CDH23: variants seen among roughly 807,000 people sequenced by gnomAD.
The protein encoded by CDH23 is cadherin related 23.
A neutral mutation model predicts 317.1 loss-of-function variants in CDH23; 189 were observed. The ratio of observed to expected loss-of-function variants is 0.60; its 90% CI spans 0.53 to 0.67. CDH23 has a LOEUF of 0.67. Among genes scored for constraint, CDH23 ranks in the 30% least tolerant of loss-of-function variants. CDH23 has a pLI of 0.00. For synonymous variants in CDH23, 1,839 were observed against 1,876.8 expected, an observed-to-expected ratio of 0.98 and a Z score of 0.52; for missense variants, 4,401 against 4,592.4, an observed-to-expected ratio of 0.96 and a Z score of 1.20.
intron 9 of CDH23, among the ~76,000 whole-genome samples, chr10:71,585,715 T>G (rs1194295089): frequency 1.3e-5 from 2 of 152,240 alleles, no homozygotes; most frequent in African/African-American, 4.8e-5. Flanking sequence ...TTTCGCCCTC[T>G]TCTCTGCAGG....
intron 6 of CDH23, among the ~76,000 whole-genome samples, chr10:71,531,035 A>G (rs1855346918): frequency 6.6e-6 from 1 of 152,224 alleles, no homozygotes; most frequent in South Asian, 2.1e-4. Flanking sequence ...TCTACATCAT[A>G]AGAAAATTCC....
chr10:71,636,760 C>T (rs1299045636), intron 11 of CDH23, among the ~76,000 whole-genome samples: 2 of 152,200 alleles, frequency 1.3e-5, no homozygotes, highest in African/African-American at 4.8e-5. Flanking sequence ...GGGTGACGTC[C>T]TTCACCTTGA....
chr10:71,543,582 A>G (rs1392068675), intron 6 of CDH23, among the ~76,000 whole-genome samples: 1 of 152,244 alleles, frequency 6.6e-6, no homozygotes, highest in Admixed American at 6.5e-5. Context: ...GGAGGAAGTC[A>G]ACCATTTTTT....
chr10:71,610,099 G>T (rs1423850579), intron 9 of CDH23, among the ~76,000 whole-genome samples: 1 of 152,032 alleles, frequency 6.6e-6, no homozygotes, highest in Non-Finnish European at 1.5e-5. Context: ...CCGTCTCCCA[G>T]GTTCAAACAA....
intron 55 of CDH23, among the ~76,000 whole-genome samples, chr10:71,804,823 T>C (rs959953670): frequency 3.3e-5 from 5 of 152,218 alleles, no homozygotes; most frequent in Admixed American, 1.3e-4. Context: ...TTGTTATAAT[T>C]TATGTATTCT....
chr10:71,720,486 G>C (rs1866507460), intron 28 of CDH23, among the ~76,000 whole-genome samples: 1 of 151,302 alleles, frequency 6.6e-6, no homozygotes, highest in South Asian at 2.1e-4. Flanking sequence ...CCAGAAGCCA[G>C]AGCTTCCCTG....
chr10:71,734,664 T>G lies in CDH23; in HGVS notation c.4209+6T>G. ...GCTGCCTCTGCCTACAGAAGGTGAG[T>G]AGCCTGTGGCTGGAGCTTCCCCTGT... On this transcript the variant is annotated splice_donor_region_variant and intron_variant, in intron 34 of 69. Coordinates refer to ENST00000224721, the MANE Select transcript of CDH23 (RefSeq NM_022124.6). 7.0e-7 allele frequency: 1 copy of G among 1,435,464 alleles called. No homozygotes were observed. The highest frequency in any genetic ancestry group is 9.4e-7 in the Non-Finnish European group (1 of 1,062,158). 88.9% of individuals were successfully genotyped at this position (1,435,464 alleles called of 1,614,324 possible).
chr10:71,737,214 A>G (rs1251171429), intron 34 of CDH23, among the ~76,000 whole-genome samples: 1 of 152,212 alleles, frequency 6.6e-6, no homozygotes, highest in Non-Finnish European at 1.5e-5. Context: ...GAGTCTTGGC[A>G]AGAGAAATCA....
chr10:71,518,967 C>G lies in CDH23; in HGVS notation c.429+7755C>G, dbSNP rs1223737400. Among the ~76,000 whole-genome samples, 3 of 152,348 alleles carry G rather than the reference C, an allele frequency of 2.0e-5. No homozygotes were observed. The South Asian group carries it at 6.2e-4, about 32-fold the overall frequency. On this transcript the variant is annotated intron_variant, in intron 6 of 69. Coordinates refer to ENST00000224721, the MANE Select transcript of CDH23 (RefSeq NM_022124.6). Reference sequence around the variant, plus strand: ...TGGCCAAGGCTGTGGGCGTCCTCCACCACCCACAGCACCACGAAAGAGGAC... The same window carrying G: ...TGGCCAAGGCTGTGGGCGTCCTCCAGCACCCACAGCACCACGAAAGAGGAC...
chr10:71,572,569 C>G (rs953157751), intron 8 of CDH23, among the ~76,000 whole-genome samples: 5 of 152,132 alleles, frequency 3.3e-5, no homozygotes, highest in African/African-American at 9.7e-5. Flanking sequence ...CCTGGGCAGA[C>G]CAGCATACTC....
intron 3 of CDH23, among the ~76,000 whole-genome samples, chr10:71,505,362 G>A (rs568779019): frequency 6.8e-4 from 104 of 152,300 alleles, no homozygotes; most frequent in Non-Finnish European, 1.1e-3. Context: ...AGAAGACTAA[G>A]CAGCTTTTGT....
chr10:71,740,692 CA>C, intron 36 of CDH23, 129 bp from the exon 37 acceptor site: 1 of 1,327,306 alleles, frequency 7.5e-7, no homozygotes, highest in Non-Finnish European at 1.0e-6. Context: ...CCAGGCCACC[CA>C]GGGGTTCTCA....
Position 71,739,764 on chromosome 10 carries a change from A to G in CDH23, c.4480A>G (p.Ile1494Val), listed in dbSNP as rs1839684465. 1.9e-6 allele frequency: 3 copies of G among 1,610,456 alleles called. No homozygotes were observed. The highest frequency in any genetic ancestry group is 2.2e-5 in the South Asian group (2 of 90,958). The change falls in exon 36 of 70, where the codon ATC (isoleucine) becomes GTC (valine). Residue 1494 changes from isoleucine to valine, a missense_variant. Ile to Val is a conservative substitution (Grantham distance 29). Coordinates refer to ENST00000224721, the MANE Select transcript of CDH23 (RefSeq NM_022124.6). ...GGACAGAGAAGAGCTGGATCACTAC[A>G]TCCTCCAGGTGGGGCCTGGCCTCCC... is the stretch of plus-strand genomic sequence containing the variant. ...PLDREELDHYILQVVASDRGT... is the reference protein window; with the variant it reads ...PLDREELDHYVLQVVASDRGT...
intron 38 of CDH23, among the ~76,000 whole-genome samples, chr10:71,776,220 C>A (rs751048445): frequency 1.3e-5 from 2 of 152,210 alleles, no homozygotes; most frequent in African/African-American, 2.4e-5. Context: ...CCCTCCACCC[C>A]CAAGATCCAG....
chr10:71,475,494 G>C (rs890289441), intron 3 of CDH23, among the ~76,000 whole-genome samples: 2 of 152,192 alleles, frequency 1.3e-5, no homozygotes, highest in Non-Finnish European at 2.9e-5. Flanking sequence ...TCTGAAAAGC[G>C]ACCTTCAGGC....
At chr10:71,560,283 T>C (rs753549680) in intron 6 of CDH23, among the ~76,000 whole-genome samples, 13 of 152,230 alleles carry the variant, frequency 8.5e-5, no homozygotes, top group Non-Finnish European at 1.5e-4. Context: ...GAATTCTTCT[T>C]GTTCCAATGG....
At chr10:71,665,650 C>T (rs960727388) in intron 14 of CDH23, among the ~76,000 whole-genome samples, 4 of 152,244 alleles carry the variant, frequency 2.6e-5, no homozygotes, top group South Asian at 2.1e-4. Flanking sequence ...TGAGGATGGA[C>T]GCTGGCACAA....
At chr10:71,643,507 A>G (rs1003009404) in intron 11 of CDH23, among the ~76,000 whole-genome samples, 1 of 152,076 alleles carries the variant, frequency 6.6e-6, no homozygotes, top group Non-Finnish European at 1.5e-5. Flanking sequence ...CCCAGCCTAC[A>G]CTGAGGCCTT....
At chr10:71,442,961 C>T (rs1436902810) in intron 2 of CDH23, among the ~76,000 whole-genome samples, 2 of 152,134 alleles carry the variant, frequency 1.3e-5, no homozygotes, top group Non-Finnish European at 2.9e-5. Flanking sequence ...GGGCGGAGGG[C>T]GAGGCAGAGG....
Sources: gnomAD v4.1 joint callset for allele counts (sites outside exome capture counted in the v4.1 genomes callset) on GRCh38, gnomAD v4.1.1 for gene constraint, MANE v1.5 for transcripts, NCBI Gene and HGNC (gene_info 2026-07-23, HGNC 2026-07-21) for gene names.